The following GPR158 variants were observed in gnomAD, a reference collection of about 807,000 sequenced individuals.
The protein encoded by GPR158 is G protein-coupled receptor 158, also known as metabotropic glycine receptor.
Under a neutral mutation model 78.2 loss-of-function variants are expected in GPR158, and 30 were observed. That is an observed-to-expected ratio of 0.38 (90% confidence interval 0.29 to 0.52). The LOEUF is 0.52. GPR158 is among the 20% of genes least tolerant of loss of function. The probability of loss-of-function intolerance (pLI) is 0.83; values close to 1 mark genes in which losing one functional copy is unlikely to be tolerated. For synonymous variants in GPR158, 581 were observed against 591.1 expected (o/e 0.98, Z 0.25); for missense variants, 1,463 against 1,523.5 (o/e 0.96, Z 0.66).
intron 2 of GPR158, among the ~76,000 whole-genome samples, chr10:25,338,510 GTA>G (rs972265308): frequency 1.8e-5 from 2 of 113,654 alleles, no homozygotes; most frequent in Admixed American, 1.8e-4. Flanking sequence ...TATATATTAC[GTA>G]TAATATACGT....
In GPR158 at chr10:25,497,626, A is replaced by AT. The variant is rs578260155; in HGVS notation, c.1404+30915dup. ...CTATTCTCGGTATTTAGTTTGTTGG[A>AT]TTTTTTTTCATTTATCCATTCATGA... On this transcript the variant is annotated intron_variant, in intron 5 of 10. Coordinates refer to ENST00000376351, the MANE Select transcript of GPR158 (RefSeq NM_020752.3). Among the ~76,000 whole-genome samples, 325 of 152,124 alleles carry AT rather than the reference A, an allele frequency of 2.1e-3. 3 individuals carry two copies. Among genetic ancestry groups the AT allele is most frequent in the African/African-American group, 7.5e-3 (310 of 41,500 alleles).
In GPR158 at chr10:25,176,800, T is replaced by A. The variant is rs1395100920; in HGVS notation, c.902+478T>A. Among the ~76,000 whole-genome samples the A allele has an allele frequency of 6.6e-6, 1 of 152,212 alleles. No individual in the cohort carries two copies. The highest frequency in any genetic ancestry group is 1.5e-5 in the Non-Finnish European group (1 of 68,036). ...CCACTTTGGGGTAGCCTCTGCCTGC[T>A]TCCTACGTGTGCAGTTGGGGGCACC... On this transcript the variant is annotated intron_variant, in intron 1 of 10. Coordinates refer to ENST00000376351, the MANE Select transcript of GPR158 (RefSeq NM_020752.3). This position sits in a 1 kb window ranked among gnomAD's most constrained non-coding sequence, Gnocchi z 6.3.
intron 2 of GPR158, among the ~76,000 whole-genome samples, chr10:25,334,479 A>G (rs1014799566): frequency 6.6e-6 from 1 of 152,178 alleles, no homozygotes; most frequent in African/African-American, 2.4e-5. Context: ...AACAGAATTG[A>G]CATCAGGAGT....
chr10:25,425,735 C>G (rs1834811832), intron 4 of GPR158, among the ~76,000 whole-genome samples: 1 of 152,160 alleles, frequency 6.6e-6, no homozygotes, highest in African/African-American at 2.4e-5. Flanking sequence ...TGGGTTATTT[C>G]TTATATTGCC....
At chr10:25,306,152 T>C (rs1854674223) in intron 2 of GPR158, among the ~76,000 whole-genome samples, 1 of 152,134 alleles carries the variant, frequency 6.6e-6, no homozygotes, top group South Asian at 2.1e-4. Context: ...CTCTCTACCA[T>C]TTCCCTAAAA....
At chr10:25,444,309 CTG>C (rs1439073848) in intron 4 of GPR158, among the ~76,000 whole-genome samples, 2 of 150,884 alleles carry the variant, frequency 1.3e-5, no homozygotes, top group Non-Finnish European at 1.5e-5. Flanking sequence ...ATGTGCATGA[CTG>C]TATGTGTGGG....
intron 2 of GPR158, among the ~76,000 whole-genome samples, chr10:25,369,125 T>G (rs1833951687): frequency 6.6e-6 from 1 of 151,834 alleles, no homozygotes; most frequent in East Asian, 1.9e-4. Flanking sequence ...AGGGACAATT[T>G]GTCTTCCTCT....
chr10:25,356,433 G>A (rs1427336449), intron 2 of GPR158, among the ~76,000 whole-genome samples: 1 of 151,880 alleles, frequency 6.6e-6, no homozygotes, highest in Admixed American at 6.6e-5. Context: ...TAAGAGTATT[G>A]ATATGGTTTT....
chr10:25,362,672 AGG>A (rs1345172032), intron 2 of GPR158, among the ~76,000 whole-genome samples: 1 of 151,898 alleles, frequency 6.6e-6, no homozygotes, highest in African/African-American at 2.4e-5. Flanking sequence ...TTCCTTGATT[AGG>A]TTTATTCCTA....
intron 2 of GPR158, among the ~76,000 whole-genome samples, chr10:25,225,832 G>T (rs1239767321): frequency 6.6e-6 from 1 of 152,028 alleles, no homozygotes; most frequent in African/African-American, 2.4e-5. Flanking sequence ...GTAGTTTAAT[G>T]AATCTCTAAA....
chr10:25,380,288 C>T (rs67972050), intron 2 of GPR158, among the ~76,000 whole-genome samples: 12,324 of 152,140 alleles, frequency 0.081, 559 homozygotes, highest in South Asian at 0.21. Context: ...CTGAATTTTA[C>T]GTTGATCACT....
At chr10:25,424,665 G>T (rs543892173) in intron 4 of GPR158, among the ~76,000 whole-genome samples, 1 of 151,272 alleles carries the variant, frequency 6.6e-6, no homozygotes, top group Non-Finnish European at 1.5e-5. Flanking sequence ...TCTTGTTTTT[G>T]TCAGGTTTGT....
At chr10:25,282,903 A>G (rs1353469734) in intron 2 of GPR158, among the ~76,000 whole-genome samples, 1 of 152,050 alleles carries the variant, frequency 6.6e-6, no homozygotes, top group Non-Finnish European at 1.5e-5. Flanking sequence ...ATATTGCTCA[A>G]TGTTTTCTAA....
chr10:25,271,656 G>A lies in GPR158; in HGVS notation c.1008+50499G>A, dbSNP rs534508961. ...TACCTATATACAGTTCTATGCCAGC[G>A]CATATAACTTAGAAACATTTTTGAG... On this transcript the variant is annotated intron_variant, in intron 2 of 10. Coordinates refer to ENST00000376351, the MANE Select transcript of GPR158 (RefSeq NM_020752.3). Among the ~76,000 whole-genome samples the A allele has an allele frequency of 1.6e-4, 25 of 152,242 alleles. No homozygotes were observed. The East Asian group carries it at 2.1e-3, about 13-fold the overall frequency.
At chr10:25,477,123 T>G (rs1732948162) in intron 5 of GPR158, among the ~76,000 whole-genome samples, 1 of 152,040 alleles carries the variant, frequency 6.6e-6, no homozygotes, top group South Asian at 2.1e-4. Context: ...TTAACTCCAT[T>G]TTTTTGCGAT....
At position 25,594,371 on chromosome 10, in the gene GPR158, AC is replaced by A; in HGVS notation, c.1974del (p.Ile659LeufsTer5). On this transcript the variant is annotated frameshift_variant, in exon 9 of 11. Transcript: ENST00000376351. LOFTEE classifies it high-confidence loss of function. ...FAHTHLTVTV[T>X]IGLLLIPKFS... ...ACATACTCATTTGACTGTGACAGTC[AC>A]CATTGGGTTGCTTTTGATTCCAAAG... 6.4e-7 allele frequency: 1 copy of A among 1,565,238 alleles called. No individual in the cohort carries two copies. Among genetic ancestry groups the A allele is most frequent in the Non-Finnish European group, 8.8e-7 (1 of 1,139,890 alleles).
At chr10:25,356,821 G>T (rs1291311550) in intron 2 of GPR158, among the ~76,000 whole-genome samples, 1 of 152,026 alleles carries the variant, frequency 6.6e-6, no homozygotes, top group Non-Finnish European at 1.5e-5. Flanking sequence ...GGAATGGGGT[G>T]CTACTATTAA....
At chr10:25,589,943 T>C (rs1399125788) in intron 8 of GPR158, among the ~76,000 whole-genome samples, 1 of 152,220 alleles carries the variant, frequency 6.6e-6, no homozygotes, top group African/African-American at 2.4e-5. Flanking sequence ...TATGGAAAGT[T>C]AGGACACACT....
chr10:25,200,459 G>A (rs118045104), intron 1 of GPR158, among the ~76,000 whole-genome samples: 1 of 152,142 alleles, frequency 6.6e-6, no homozygotes, highest in African/African-American at 2.4e-5. Context: ...CTCCCATTCT[G>A]TGGGGTGTCT....
Sources: allele counts gnomAD v4.1 joint callset (sites outside exome capture counted in the v4.1 genomes callset), GRCh38; gene constraint gnomAD v4.1.1; non-coding constraint Gnocchi (gnomAD v3.1); transcripts MANE v1.5; gene names NCBI Gene and HGNC (gene_info 2026-07-23, HGNC 2026-07-21).